Variants in POU6F2 observed in about 807,000 individuals in gnomAD.
POU6F2 encodes POU domain, class 6, transcription factor 2.
A neutral mutation model predicts 71.3 loss-of-function variants in POU6F2; 31 were observed. The ratio of observed to expected loss-of-function variants is 0.43; its 90% confidence interval spans 0.33 to 0.59. POU6F2 has a LOEUF of 0.59. Among genes scored for constraint, POU6F2 ranks in the 20% least tolerant of loss-of-function variants. POU6F2 has a pLI of 0.04. For missense variants in POU6F2, 783 were observed against 856.8 expected, an observed-to-expected ratio of 0.91 and a Z score of 1.07; for synonymous variants, 347 against 355.7, an observed-to-expected ratio of 0.98 and a Z score of 0.27.
intron 9 of POU6F2, among the ~76,000 whole-genome samples, chr7:39,462,187 C>A (rs1211835115): frequency 6.6e-6 from 1 of 152,148 alleles, no homozygotes; most frequent in Non-Finnish European, 1.5e-5. Flanking sequence ...CTAAAGTCTA[C>A]CCCCAGAGAG....
At chr7:39,115,711 G>A (rs538803042) in intron 2 of POU6F2, among the ~76,000 whole-genome samples, 1 of 152,260 alleles carries the variant, frequency 6.6e-6, no homozygotes, top group African/African-American at 2.4e-5. Flanking sequence ...AAAGCTTCCG[G>A]AGCTCAGTAT....
chr7:39,040,356 A>C (rs1280302269), intron 1 of POU6F2, among the ~76,000 whole-genome samples: 1 of 151,098 alleles, frequency 6.6e-6, no homozygotes, highest in Non-Finnish European at 1.5e-5. Context: ...AATTAACCTG[A>C]ATTACATTTA....
chr7:39,287,649 A>C (rs926786711), intron 4 of POU6F2, among the ~76,000 whole-genome samples: 2 of 152,210 alleles, frequency 1.3e-5, no homozygotes, highest in East Asian at 3.8e-4. Flanking sequence ...AGACACACAC[A>C]GAAAAAAACA....
chr7:39,081,827 G>T (rs191690734), intron 1 of POU6F2, among the ~76,000 whole-genome samples: 16 of 152,310 alleles, frequency 1.1e-4, no homozygotes, highest in Admixed American at 6.5e-4. Flanking sequence ...GATACCCCAT[G>T]AATTACTAAG....
intron 4 of POU6F2, among the ~76,000 whole-genome samples, chr7:39,314,919 G>A (rs753408925): frequency 2.6e-5 from 4 of 151,930 alleles, no homozygotes; most frequent in East Asian, 1.9e-4. Context: ...TCATGGCACC[G>A]TGACAGTAAA....
chr7:39,465,850 T>C lies in POU6F2; in HGVS notation c.*1164T>C, dbSNP rs186023860. 4 of 152,334 alleles carry C rather than the reference T, an allele frequency of 2.6e-5. No individual in the cohort carries two copies. Among genetic ancestry groups the C allele is most frequent in the African/African-American group, 9.6e-5 (4 of 41,566 alleles). The allele number at this position is 152,334 out of a possible 1,614,324, so 9.4% of individuals were successfully genotyped here. A position where few individuals can be genotyped will look rare whatever the true frequency, so the allele number is the denominator to read the frequency against. On this transcript the variant is annotated 3_prime_UTR_variant, in exon 10 of 10. Transcript: ENST00000518318. ...TAAGCTGCACATTTGGTTCAATACT[T>C]ACATCTATGTTATGCTTCTGTGCAA...
chr7:39,280,310 C>G lies in POU6F2; in HGVS notation c.599-59332C>G, dbSNP rs1169120834. On this transcript the variant is annotated intron_variant, in intron 4 of 9. Transcript: ENST00000518318. ...TGCCCACTCCACTGTCAGGCACAAC[C>G]CTGGCATCTATAATAGGTGACCCAA... Among the ~76,000 whole-genome samples the G allele has an allele frequency of 2.6e-5, 4 of 152,150 alleles. No individual in the cohort carries two copies. In the South Asian group the frequency reaches 8.3e-4, roughly 31 times the overall value.
chr7:39,178,556 G>C (rs1793374874), intron 2 of POU6F2, among the ~76,000 whole-genome samples: 1 of 152,130 alleles, frequency 6.6e-6, no homozygotes, highest in African/African-American at 2.4e-5. Flanking sequence ...TACCCGGAGA[G>C]GCTGTATTAT....
chr7:38,995,414 A>T (rs1788708388), intron 1 of POU6F2, among the ~76,000 whole-genome samples: 1 of 152,224 alleles, frequency 6.6e-6, no homozygotes, highest in African/African-American at 2.4e-5. Context: ...TGACACATGT[A>T]TACAAATGTA....
At chr7:39,454,038 G>A (rs551221005) in intron 8 of POU6F2, among the ~76,000 whole-genome samples, 1 of 152,288 alleles carries the variant, frequency 6.6e-6, no homozygotes, top group South Asian at 2.1e-4. Context: ...AGCAACTACA[G>A]AATGAATAGT....
chr7:39,153,269 A>G (rs1792797711), intron 2 of POU6F2, among the ~76,000 whole-genome samples: 1 of 152,074 alleles, frequency 6.6e-6, no homozygotes, highest in African/African-American at 2.4e-5. Context: ...GGCAGTTTCT[A>G]TTGCTTTAAA....
At chr7:39,440,969 T>C (rs1024291739) in intron 7 of POU6F2, among the ~76,000 whole-genome samples, 2 of 152,114 alleles carry the variant, frequency 1.3e-5, no homozygotes, top group African/African-American at 4.8e-5. Context: ...TGCTGCAGTT[T>C]GCTGGGAGGT....
At chr7:39,378,885 C>G (rs1485463566) in intron 5 of POU6F2, among the ~76,000 whole-genome samples, 2 of 152,212 alleles carry the variant, frequency 1.3e-5, no homozygotes, top group East Asian at 1.9e-4. Flanking sequence ...TCTTTAAGCT[C>G]TCTTGATGCT....
intron 4 of POU6F2, among the ~76,000 whole-genome samples, chr7:39,307,091 T>G (rs1425988968): frequency 6.6e-6 from 1 of 152,204 alleles, no homozygotes; most frequent in Non-Finnish European, 1.5e-5. Context: ...GAGATGTTGA[T>G]TTGCATTATA....
At chr7:39,406,267 T>C in intron 5 of POU6F2, 1 of 249,648 alleles carries the variant, frequency 4.0e-6, no homozygotes, top group East Asian at 8.2e-5. Flanking sequence ...TCCTGAGTTT[T>C]ATTTAGTCTA....
At chr7:39,068,490 C>CATATAT (rs3057275) in intron 1 of POU6F2, among the ~76,000 whole-genome samples, 6 of 146,716 alleles carry the variant, frequency 4.1e-5, no homozygotes, top group African/African-American at 1.6e-4. Flanking sequence ...CTAGTACATG[C>CATATAT]ATATATATAT....
chr7:39,283,749 C>G (rs1784605134), intron 4 of POU6F2, among the ~76,000 whole-genome samples: 1 of 152,138 alleles, frequency 6.6e-6, no homozygotes, highest in Non-Finnish European at 1.5e-5. Flanking sequence ...TTAACTCATT[C>G]CCAAGACCTG....
intron 2 of POU6F2, among the ~76,000 whole-genome samples, chr7:39,188,466 C>A (rs576359119): frequency 6.6e-6 from 1 of 152,102 alleles, no homozygotes; most frequent in Admixed American, 6.5e-5. Flanking sequence ...GTGCACACCA[C>A]CACCCCTGGC....
chr7:39,054,179 C>G (rs563443011), intron 1 of POU6F2, among the ~76,000 whole-genome samples: 2 of 151,982 alleles, frequency 1.3e-5, no homozygotes, highest in African/African-American at 2.4e-5. Context: ...TTTTTAGTAT[C>G]AAAACTACCA....
Sources: allele counts gnomAD v4.1 joint callset (sites outside exome capture counted in the v4.1 genomes callset), GRCh38; gene constraint gnomAD v4.1.1; transcripts MANE v1.5; gene names NCBI Gene and HGNC (gene_info 2026-07-23, HGNC 2026-07-21).